ARHGEF3: variants seen among roughly 807,000 people sequenced by gnomAD.
ARHGEF3 encodes the protein 59.8 kDA protein.
ARHGEF3 carries 28 observed loss-of-function variants against 63.2 expected under a neutral mutation model. That is an observed-to-expected ratio of 0.44 (90% CI 0.33 to 0.61). The LOEUF (loss-of-function observed/expected upper bound fraction) is 0.61. ARHGEF3 is among the 20% of genes least tolerant of loss of function. ARHGEF3 has a pLI of 0.03. For synonymous variants in ARHGEF3, 266 were observed against 254.2 expected (o/e 1.05, Z -0.44); for missense variants, 533 against 659.3 (o/e 0.81, Z 2.10).
In ARHGEF3 at chr3:56,995,992, G is replaced by T. The variant is rs1367465776; in HGVS notation, c.63-37103C>A. 3.3e-5 allele frequency among the ~76,000 whole-genome samples: 5 copies of T among 152,258 alleles called. 1 individual carries two copies. In the South Asian group the frequency reaches 8.3e-4, roughly 25 times the overall value. ...GTTATCAAAGAGCAAGGCCCTGGGGGATTGGAACACAAGGTTGGGAGCTTT... is the reference window on the plus strand; with the variant it reads ...GTTATCAAAGAGCAAGGCCCTGGGGTATTGGAACACAAGGTTGGGAGCTTT... On this transcript the variant is annotated intron_variant, in intron 2 of 12. Transcript: ENST00000338458.
chr3:57,058,363 T>C (rs141326485), intron 1 of ARHGEF3, among the ~76,000 whole-genome samples: 1 of 152,356 alleles, frequency 6.6e-6, no homozygotes, highest in African/African-American at 2.4e-5. Context: ...TCATAGACTG[T>C]GATGCTCTCG....
At chr3:56,935,072 C>T (rs1355564414) in intron 3 of ARHGEF3, among the ~76,000 whole-genome samples, 1 of 151,956 alleles carries the variant, frequency 6.6e-6, no homozygotes, top group Non-Finnish European at 1.5e-5. Context: ...CCTTGGAGAA[C>T]CTTTATGTCT....
chr3:57,068,606 CT>C (rs1445936584), intron 1 of ARHGEF3, among the ~76,000 whole-genome samples: 1 of 152,162 alleles, frequency 6.6e-6, no homozygotes, highest in Non-Finnish European at 1.5e-5. Flanking sequence ...CTGCACAGGG[CT>C]TTTATAAAAC....
chr3:56,772,224 A>T (rs898689433), intron 2 of ARHGEF3, among the ~76,000 whole-genome samples: 2 of 152,212 alleles, frequency 1.3e-5, no homozygotes, highest in Admixed American at 6.5e-5. Flanking sequence ...CAACAGAGTT[A>T]ACAGAGGAAC....
In ARHGEF3 at chr3:56,732,363, T is replaced by C. The variant is rs1012534881; in HGVS notation, c.1103A>G (p.Glu368Gly). ...ACGGTACAGCTGGTAGCAAAGCTGC[T>C]CATTGTGGGTGACGGCTCGAGTGAT... ...LVITRAVTHN[E>G]QLCYQLYRQP... is the part of the protein sequence containing the mutation. The change falls in exon 9 of 10, where the codon GAG (glutamate) becomes GGG (glycine). Residue 368 changes from glutamate to glycine, a missense_variant. This residue lies in a region of ARHGEF3 where 151 missense variants were observed against 190.7 expected (regional missense o/e 0.79). Transcript: ENST00000296315. 1.9e-6 allele frequency: 3 copies of C among 1,614,186 alleles called. No homozygotes were observed. The highest frequency in any genetic ancestry group is 2.5e-6 in the Non-Finnish European group (3 of 1,180,028).
chr3:56,890,840 T>G (rs1165830362), intron 3 of ARHGEF3, among the ~76,000 whole-genome samples: 1 of 152,198 alleles, frequency 6.6e-6, no homozygotes, highest in Non-Finnish European at 1.5e-5. Context: ...ACGTACTGAT[T>G]GAGAGAGTGC....
intron 1 of ARHGEF3, among the ~76,000 whole-genome samples, chr3:57,070,971 C>CAAAAAA (rs1231328722): frequency 6.0e-5 from 3 of 49,664 alleles, no homozygotes; most frequent in African/African-American, 1.9e-4. Flanking sequence ...GACTCTGTCA[C>CAAAAAA]AAAAAAAAAA....
intron 2 of ARHGEF3, among the ~76,000 whole-genome samples, chr3:56,993,566 T>C (rs977087221): frequency 1.3e-5 from 2 of 151,014 alleles, no homozygotes; most frequent in African/African-American, 4.9e-5. Flanking sequence ...GTAGAGACGG[T>C]GTCTCCCTAT....
At chr3:56,860,090 A>T in intron 4 of ARHGEF3, among the ~76,000 whole-genome samples, 1 of 152,208 alleles carries the variant, frequency 6.6e-6, no homozygotes, top group Non-Finnish European at 1.5e-5. Flanking sequence ...ATAAAAATTA[A>T]TATAAACAAA....
chr3:56,749,375 C>T (rs2034590596), intron 6 of ARHGEF3, among the ~76,000 whole-genome samples: 1 of 152,180 alleles, frequency 6.6e-6, no homozygotes, highest in Admixed American at 6.5e-5. Context: ...AGGCAAATTC[C>T]TACAATTTTG....
intron 3 of ARHGEF3, among the ~76,000 whole-genome samples, chr3:56,944,727 C>A (rs796284557): frequency 6.6e-6 from 1 of 151,774 alleles, no homozygotes; most frequent in Non-Finnish European, 1.5e-5. Flanking sequence ...CAGGCACCTG[C>A]GCAACCATGT....
chr3:56,913,640 G>C (rs1189579979), intron 3 of ARHGEF3, among the ~76,000 whole-genome samples: 1 of 152,146 alleles, frequency 6.6e-6, no homozygotes, highest in African/African-American at 2.4e-5. Flanking sequence ...GTATGTTCTA[G>C]CAATTCTACT....
intron 4 of ARHGEF3, among the ~76,000 whole-genome samples, chr3:56,814,371 C>A (rs1222344868): frequency 2.6e-5 from 4 of 152,152 alleles, no homozygotes; most frequent in Admixed American, 2.6e-4. Flanking sequence ...GACAATTCTT[C>A]TTCCACTGTG....
At chr3:57,074,346 T>A (rs1706107607) in intron 1 of ARHGEF3, 1 of 1,292,002 alleles carries the variant, frequency 7.7e-7, no homozygotes, top group Admixed American at 1.9e-5. Flanking sequence ...CTCCCTTCCA[T>A]CCCCCACCCC....
At position 57,074,372 on chromosome 3, in the gene ARHGEF3, G is replaced by A. The variant is rs141153069; in HGVS notation, c.-28+4854C>T. 3.2e-3 allele frequency: 3,132 copies of A among 967,620 alleles called. 43 individuals carry two copies. The highest frequency in any genetic ancestry group is 0.025 in the South Asian group (1,598 of 63,532). 59.9% of individuals were successfully genotyped at this position (967,620 alleles called of 1,614,324 possible). A position where few individuals can be genotyped will look rare whatever the true frequency, so the allele number is the denominator to read the frequency against. On this transcript the variant is annotated intron_variant, in intron 1 of 12. Transcript: ENST00000338458. ...CCCCCACCCCCACCAGGGGTGACTC[G>A]TAGCCATCCCTTTCTGCATCTTCTT... is the stretch of plus-strand genomic sequence containing the variant.
chr3:56,747,559 C>T (rs1042614557), intron 6 of ARHGEF3, among the ~76,000 whole-genome samples: 3 of 152,162 alleles, frequency 2.0e-5, no homozygotes, highest in Non-Finnish European at 2.9e-5. Context: ...GAGACTAGGC[C>T]GGGTGCGGTG....
At chr3:56,863,811 G>T (rs2040156439) in intron 4 of ARHGEF3, among the ~76,000 whole-genome samples, 1 of 152,250 alleles carries the variant, frequency 6.6e-6, no homozygotes, top group South Asian at 2.1e-4. Context: ...TTTGGCACTG[G>T]AAAGGACACA....
chr3:57,017,005 G>GTCTCTCTCTC lies in ARHGEF3; in HGVS notation c.62+18073_62+18082dup, dbSNP rs370663400. The stretch of plus-strand genomic sequence containing the variant: ...GGAGAGAGAGGAAAGCTTTCTCTCT[G>GTCTCTCTCTC]TCTCTCTCTCTCTCTCTCTCTCTCT... On this transcript the variant is annotated intron_variant, in intron 2 of 12. Transcript: ENST00000338458. 2.0e-3 allele frequency among the ~76,000 whole-genome samples: 252 copies of GTCTCTCTCTC among 129,110 alleles called. 1 individual carries two copies. The highest frequency in any genetic ancestry group is 8.0e-3 in the African/African-American group (243 of 30,554). 84.7% of individuals were successfully genotyped at this position (129,110 alleles called of 152,430 possible). A position where few individuals can be genotyped will look rare whatever the true frequency, so the allele number is the denominator to read the frequency against.
At chr3:56,888,919 C>CAAAAACA (rs1206390121) in intron 3 of ARHGEF3, among the ~76,000 whole-genome samples, 2 of 151,532 alleles carry the variant, frequency 1.3e-5, no homozygotes, top group African/African-American at 4.8e-5. Flanking sequence ...AAAACAAAAA[C>CAAAAACA]AAAAACAAAA....
Sources: gnomAD v4.1 joint callset for allele counts (sites outside exome capture counted in the v4.1 genomes callset) on GRCh38, gnomAD v4.1.1 for gene constraint, gnomAD v4.1.1 regional missense constraint, MANE v1.5 for transcripts, NCBI Gene and HGNC (gene_info 2026-07-23, HGNC 2026-07-21) for gene names.